The following LAMB1 variants were observed in gnomAD, a reference collection of about 807,000 sequenced individuals.
LAMB1 encodes the protein laminin subunit beta-1.
In LAMB1, 121 loss-of-function variants were observed where a neutral mutation model predicts 222.3. The ratio of observed to expected loss-of-function variants is 0.54; its 90% CI spans 0.47 to 0.63. The LOEUF is 0.63. Among genes scored for constraint, LAMB1 ranks in the 30% least tolerant of loss-of-function variants. The pLI is 0.00. For missense variants in LAMB1, 2,172 were observed against 2,240.8 expected (o/e 0.97, Z 0.62); for synonymous variants, 794 against 807.2 (o/e 0.98, Z 0.28).
chr7:107,932,539 GT>G, intron 27 of LAMB1, 162 bp from the exon 28 acceptor site: 1 of 647,036 alleles, frequency 1.5e-6, no homozygotes, highest in Non-Finnish European at 2.7e-6. Flanking sequence ...GGAGCAGAGA[GT>G]TTAGGAGTAA....
chr7:107,925,017 G>GCAGA (rs2032527126), intron 32 of LAMB1, among the ~76,000 whole-genome samples: 2 of 152,098 alleles, frequency 1.3e-5, no homozygotes, highest in African/African-American at 4.8e-5. Context: ...ATGCCCTGAA[G>GCAGA]CAGAGTACTT....
At chr7:107,990,112 C>G (rs750366065) in intron 5 of LAMB1, among the ~76,000 whole-genome samples, 2 of 151,828 alleles carry the variant, frequency 1.3e-5, no homozygotes, top group African/African-American at 2.4e-5. Flanking sequence ...AATCATAGTT[C>G]ACTGCAGCCT....
chr7:107,972,922 TCAC>T, intron 13 of LAMB1, 67 bp downstream of exon 13: 1 of 1,190,420 alleles, frequency 8.4e-7, no homozygotes, highest in Non-Finnish European at 1.3e-6. Context: ...CAACTGAATG[TCAC>T]CCATTCCTGT....
chr7:107,987,515 T>G (rs1250785265), intron 5 of LAMB1, among the ~76,000 whole-genome samples: 1 of 152,222 alleles, frequency 6.6e-6, no homozygotes, highest in East Asian at 1.9e-4. Context: ...AATTGGATCT[T>G]TTTTTGAGGC....
intron 26 of LAMB1, 97 bp downstream of exon 26, chr7:107,936,996 T>C: frequency 9.6e-7 from 1 of 1,039,316 alleles, no homozygotes; most frequent in Non-Finnish European, 1.4e-6. Context: ...TAAAATTTAT[T>C]AGAAAACTTT....
chr7:107,955,989 C>T (rs1309444901), intron 20 of LAMB1, among the ~76,000 whole-genome samples: 1 of 152,232 alleles, frequency 6.6e-6, no homozygotes, highest in Non-Finnish European at 1.5e-5. Context: ...CCTCCACCTC[C>T]TGGTTCAAAC....
Position 108,001,765 on chromosome 7 carries a change from G to A in LAMB1, c.38-32C>T, listed in dbSNP as rs754171060. 7 of 1,608,748 alleles carry A rather than the reference G, an allele frequency of 4.4e-6. No homozygotes were observed. The African/African-American group carries it at 8.0e-5, about 18-fold the overall frequency. On this transcript the variant is annotated intron_variant, in intron 2 of 33. Coordinates refer to ENST00000222399, the MANE Select transcript of LAMB1 (RefSeq NM_002291.3). ...GAAGGACAGGCAACAGAGTTGGGGG[G>A]ACACAAGCAGGGAGTGGAGCCCGAA...
chr7:107,998,376 A>C lies in LAMB1; in HGVS notation c.330T>G (p.Ile110Met). Reference sequence around the variant, plus strand: ...ACATACCATTTTCAGATTGCCACCAAATCTTAAGGCGGTTTGGAGCAAATG... The same window carrying C: ...ACATACCATTTTCAGATTGCCACCACATCTTAAGGCGGTTTGGAGCAAATG... ...VTTFAPNRLK[I>M]WWQSENGVEN... is the part of the protein sequence containing the mutation. The change falls in exon 4 of 34, where the codon ATT (isoleucine) becomes ATG (methionine). Residue 110 changes from isoleucine (I) to methionine (M), a missense_variant. Transcript: ENST00000222399. 6.2e-7 allele frequency: 1 copy of C among 1,614,022 alleles called. No individual in the cohort carries two copies. The highest frequency in any genetic ancestry group is 8.5e-7 in the Non-Finnish European group (1 of 1,179,986).
At chr7:107,975,493 TC>T (rs906461540) in intron 10 of LAMB1, 80 bp from the exon 11 acceptor site, 10 of 1,378,984 alleles carry the variant, frequency 7.3e-6, no homozygotes, top group Non-Finnish European at 9.7e-6. Flanking sequence ...ATTCCCTTCC[TC>T]CCTCTAAATC....
chr7:107,926,471 AAAG>A, intron 31 of LAMB1, 112 bp from the exon 32 acceptor site: 2 of 765,518 alleles, frequency 2.6e-6, no homozygotes, highest in Non-Finnish European at 4.1e-6. Context: ...CTCTAGACCA[AAAG>A]AAGTAATTAC....
At chr7:107,961,753 C>CA (rs2033509825) in intron 15 of LAMB1, 77 bp from the exon 16 acceptor site, 2 of 1,472,254 alleles carry the variant, frequency 1.4e-6, no homozygotes, top group Non-Finnish European at 1.9e-6. Flanking sequence ...CTGAATCAAT[C>CA]AATTGCCAAG....
Position 107,975,861 on chromosome 7 carries a change from T to C in LAMB1, c.1017A>G (p.Glu339=). The C allele has an allele frequency of 6.2e-7, 1 of 1,613,918 alleles. No homozygotes were observed. Among genetic ancestry groups the C allele is most frequent in the Non-Finnish European group, 8.5e-7 (1 of 1,179,952 alleles). Reference sequence around the variant, plus strand: ...TGTCAAAGTGACAAGAGATGGAATGTTCATTGCAGTTACATTCTGCGTGAC... The same window carrying C: ...TGTCAAAGTGACAAGAGATGGAATGCTCATTGCAGTTACATTCTGCGTGAC... ...SNACKKCNCN[E]HSISCHFDMA... is the part of the protein sequence containing the mutation. Residue 339 remains glutamate, a synonymous_variant, in exon 10 of 34, where the codon GAA becomes GAG. Coordinates refer to ENST00000222399, the MANE Select transcript of LAMB1 (RefSeq NM_002291.3).
In LAMB1 at chr7:108,001,693, G is replaced by T. The variant is rs759948040; in HGVS notation, c.78C>A (p.Phe26Leu). 2 of 1,612,846 alleles carry T rather than the reference G, an allele frequency of 1.2e-6. No homozygotes were observed. Among genetic ancestry groups the T allele is most frequent in the Non-Finnish European group, 1.7e-6 (2 of 1,179,840 alleles). The part of the protein sequence containing the change: ...RARVRAQEPE[F>L]SYGCAEGSCY... The stretch of plus-strand genomic sequence containing the variant: ...AGCTGCCTTCTGCGCAGCCGTAGCT[G>T]AACTCGGGTTCCTGAGCGCGCACTC... The change falls in exon 3 of 34, where the codon TTC (phenylalanine) becomes TTA (leucine). Residue 26 changes from phenylalanine to leucine, a missense_variant. Transcript: ENST00000222399.
chr7:107,977,356 T>C (rs1457329372), intron 9 of LAMB1, among the ~76,000 whole-genome samples: 1 of 151,994 alleles, frequency 6.6e-6, no homozygotes, highest in East Asian at 1.9e-4. Flanking sequence ...ACCCCTGAGA[T>C]GGATGGAGGG....
At chr7:107,929,870 TC>T (rs1233807252) in intron 29 of LAMB1, 1 of 531,020 alleles carries the variant, frequency 1.9e-6, no homozygotes, top group Non-Finnish European at 3.4e-6. Flanking sequence ...AGGGAAACCT[TC>T]GTGGAAGATG....
At chr7:107,980,129 A>C (rs1222157597) in intron 8 of LAMB1, among the ~76,000 whole-genome samples, 4 of 151,428 alleles carry the variant, frequency 2.6e-5, no homozygotes, top group East Asian at 3.9e-4. Flanking sequence ...AATTGCTTGA[A>C]CCCAGGATGC....
chr7:107,959,320 G>A lies in LAMB1; in HGVS notation c.2619C>T (p.Ala873=), dbSNP rs773681334. The part of the protein sequence containing the change: ...SCQPCQCNGH[A]DDCDPVTGEC... ...CCCCAGTCACTGGGTCGCAGTCATC[G>A]GCGTGGCCATTGCACTGGCAGGGCT... Residue 873 remains alanine, a synonymous_variant, in exon 20 of 34, where the codon GCC becomes GCT. Coordinates refer to ENST00000222399, the MANE Select transcript of LAMB1 (RefSeq NM_002291.3). The A allele has an allele frequency of 1.9e-5, 30 of 1,614,226 alleles. No homozygotes were observed. The highest frequency in any genetic ancestry group is 1.2e-4 in the Admixed American group (7 of 60,026).
At chr7:107,941,331 C>T (rs944300886) in intron 24 of LAMB1, among the ~76,000 whole-genome samples, 1 of 152,186 alleles carries the variant, frequency 6.6e-6, no homozygotes, top group African/African-American at 2.4e-5. Context: ...GTTTGAATTA[C>T]GAAAGGCCTT....
rs1584548036 is a variant in LAMB1, at chr7:108,001,491, G to A, written c.213+67C>T. 4 of 1,471,042 alleles carry A rather than the reference G, an allele frequency of 2.7e-6. No homozygotes were observed. The African/African-American group carries it at 5.6e-5, about 21-fold the overall frequency. The allele number at this position is 1,471,042 out of a possible 1,614,324, so 91.1% of individuals were successfully genotyped here. A position where few individuals can be genotyped will look rare whatever the true frequency, so the allele number is the denominator to read the frequency against. ...GCTGGAAGGATGCGGAGTCCCCAGG[G>A]CCTGCCCCTTAGGTCTGGACGGGAG... is the stretch of plus-strand genomic sequence containing the variant. On this transcript the variant is annotated intron_variant, in intron 3 of 33. Transcript: ENST00000222399.
Sources: allele counts gnomAD v4.1 joint callset (sites outside exome capture counted in the v4.1 genomes callset), GRCh38; gene constraint gnomAD v4.1.1; transcripts MANE v1.5; gene names NCBI Gene and HGNC (gene_info 2026-07-23, HGNC 2026-07-21).